Variants in FAF1 observed in about 807,000 individuals in gnomAD.
The protein encoded by FAF1 is FAS-associated factor 1.
Under a neutral mutation model 92.5 loss-of-function variants are expected in FAF1, and 25 were observed. That is an observed-to-expected ratio of 0.27 (90% CI 0.20 to 0.38). FAF1 has a LOEUF of 0.38. FAF1 is among the 10% of genes least tolerant of loss of function. The probability of loss-of-function intolerance (pLI) is 1.00; values close to 1 mark genes in which losing one functional copy is unlikely to be tolerated. For synonymous variants in FAF1, 234 were observed against 273.2 expected (o/e 0.86, Z 1.42); for missense variants, 636 against 793.3 (o/e 0.80, Z 2.38).
intron 15 of FAF1, among the ~76,000 whole-genome samples, chr1:50,493,034 C>CTT (rs527436973): frequency 0.1 from 14,130 of 137,850 alleles, 825 homozygotes; most frequent in African/African-American, 0.15. Flanking sequence ...GATTAAACTT[C>CTT]TTTTTTTTTT....
intron 1 of FAF1, among the ~76,000 whole-genome samples, chr1:50,929,748 C>T (rs144382520): frequency 2.0e-5 from 3 of 152,266 alleles, no homozygotes; most frequent in Non-Finnish European, 4.4e-5. Flanking sequence ...CCTGCCCCCA[C>T]GATTCACAAT....
At chr1:50,511,402 C>CA (rs1557975585) in intron 15 of FAF1, among the ~76,000 whole-genome samples, 1 of 152,082 alleles carries the variant, frequency 6.6e-6, no homozygotes. Flanking sequence ...CCTAACCCCC[C>CA]ACCCAACCCA....
At chr1:50,813,546 A>C (rs1156735065) in intron 2 of FAF1, among the ~76,000 whole-genome samples, 2 of 152,114 alleles carry the variant, frequency 1.3e-5, no homozygotes, top group Non-Finnish European at 2.9e-5. Flanking sequence ...CTGCAGCCTC[A>C]ACCTCCATGG....
At position 50,583,550 on chromosome 1, in the gene FAF1, T is replaced by C. The variant is rs1288827091; in HGVS notation, c.1031+102A>G. The C allele has an allele frequency of 1.5e-6, 1 of 676,790 alleles. No homozygotes were observed. Among genetic ancestry groups the C allele is most frequent in the Non-Finnish European group, 2.4e-6 (1 of 411,466 alleles). 41.9% of individuals were successfully genotyped at this position (676,790 alleles called of 1,614,324 possible). A position where few individuals can be genotyped will look rare whatever the true frequency, so the allele number is the denominator to read the frequency against. ...ATTAACAAGTATATCCTTTGAATAC[T>C]TTAAGGAGAAACTTTAAACAATCTA... On this transcript the variant is annotated intron_variant, in intron 11 of 18. Coordinates refer to ENST00000396153, the MANE Select transcript of FAF1 (RefSeq NM_007051.3). This position sits in a 1 kb window ranked among gnomAD's most constrained non-coding sequence, Gnocchi z 4.2.
chr1:50,867,029 G>A (rs1368333318), intron 1 of FAF1, among the ~76,000 whole-genome samples: 1 of 151,944 alleles, frequency 6.6e-6, no homozygotes, highest in African/African-American at 2.4e-5. Flanking sequence ...CAGAAATAAA[G>A]CCAAATACTT....
chr1:50,783,621 C>T (rs1189469689), intron 4 of FAF1, among the ~76,000 whole-genome samples: 1 of 152,060 alleles, frequency 6.6e-6, no homozygotes, highest in African/African-American at 2.4e-5. Context: ...CGCCTGTAAT[C>T]CCAGCACTCT....
intron 7 of FAF1, among the ~76,000 whole-genome samples, chr1:50,701,659 A>G (rs1228265645): frequency 1.3e-5 from 2 of 152,118 alleles, no homozygotes; most frequent in Non-Finnish European, 2.9e-5. Context: ...TCAGAATCAG[A>G]GTTAGCCTTA....
intron 9 of FAF1, among the ~76,000 whole-genome samples, chr1:50,594,269 C>T (rs1377916700): frequency 8.0e-5 from 12 of 150,424 alleles, no homozygotes; most frequent in South Asian, 6.3e-4. Flanking sequence ...GAGCCGAGAT[C>T]GCACCATTGC....
intron 9 of FAF1, among the ~76,000 whole-genome samples, chr1:50,594,425 A>G (rs905085227): frequency 1.3e-5 from 2 of 152,200 alleles, no homozygotes; most frequent in Non-Finnish European, 2.9e-5. Context: ...CCTAGCACAT[A>G]GTAAGAGCTC....
At chr1:50,538,553 CAAAA>C (rs34003582) in intron 14 of FAF1, among the ~76,000 whole-genome samples, 3 of 78,058 alleles carry the variant, frequency 3.8e-5, no homozygotes, top group Non-Finnish European at 5.6e-5. Context: ...GTAAAAAAGG[CAAAA>C]AAAAAAAAAA....
At chr1:50,590,344 T>A (rs193205851) in intron 9 of FAF1, among the ~76,000 whole-genome samples, 1 of 152,324 alleles carries the variant, frequency 6.6e-6, no homozygotes, top group East Asian at 1.9e-4. Context: ...GTAGCTTTCA[T>A]AGTACAAGTC....
intron 12 of FAF1, 120 bp from the exon 13 acceptor site, chr1:50,567,351 TAA>T: frequency 1.6e-6 from 1 of 632,010 alleles, no homozygotes; most frequent in Non-Finnish European, 2.5e-6. Flanking sequence ...TGCTATTCCC[TAA>T]GAGAGTACTT....
chr1:50,826,361 G>T (rs1644097526), intron 2 of FAF1, among the ~76,000 whole-genome samples: 1 of 151,902 alleles, frequency 6.6e-6, no homozygotes, highest in Non-Finnish European at 1.5e-5. Flanking sequence ...GACCAGCTTA[G>T]CCAACATGGT....
At chr1:50,924,282 GAA>G (rs35291746) in intron 1 of FAF1, among the ~76,000 whole-genome samples, 23 of 141,922 alleles carry the variant, frequency 1.6e-4, no homozygotes, top group African/African-American at 1.8e-4. Context: ...GGAACAATTT[GAA>G]AAAAAAAAAA....
At chr1:50,565,835 A>G (rs1650153753) in intron 13 of FAF1, among the ~76,000 whole-genome samples, 1 of 152,098 alleles carries the variant, frequency 6.6e-6, no homozygotes, top group Non-Finnish European at 1.5e-5. Flanking sequence ...AGTTGTGGAT[A>G]AAAGGAAAGG....
intron 18 of FAF1, 131 bp from the exon 19 acceptor site, chr1:50,441,654 TG>T (rs1646167715): frequency 2.1e-6 from 1 of 474,530 alleles, no homozygotes; most frequent in African/African-American, 2.0e-5. Flanking sequence ...GTATCTTAGT[TG>T]ATCTTCAAAA....
intron 8 of FAF1, chr1:50,612,534 CTAGTCAA>C: frequency 1.0e-6 from 1 of 954,898 alleles, no homozygotes; most frequent in Non-Finnish European, 1.2e-6. Context: ...TGGCTCATGT[CTAGTCAA>C]TAGTGAGATG....
chr1:50,954,131 T>C (rs1418640756), intron 1 of FAF1, among the ~76,000 whole-genome samples: 1 of 151,982 alleles, frequency 6.6e-6, no homozygotes, highest in Non-Finnish European at 1.5e-5. Flanking sequence ...TGTTTTTTAG[T>C]AGAGACAGAG....
chr1:50,851,627 C>T (rs1644349746), intron 2 of FAF1, among the ~76,000 whole-genome samples: 1 of 152,166 alleles, frequency 6.6e-6, no homozygotes. Flanking sequence ...AGATGATTAA[C>T]ACAGCACATT....
Sources: gnomAD v4.1 joint callset for allele counts (sites outside exome capture counted in the v4.1 genomes callset) on GRCh38, gnomAD v4.1.1 for gene constraint, Gnocchi (gnomAD v3.1) non-coding constraint, MANE v1.5 for transcripts, NCBI Gene and HGNC (gene_info 2026-07-23, HGNC 2026-07-21) for gene names.